ARHGAP26: variants seen among roughly 807,000 people sequenced by gnomAD.
ARHGAP26 encodes Rho GTPase activating protein 26.
Under a neutral mutation model 104.8 loss-of-function variants are expected in ARHGAP26, and 38 were observed. The observed-to-expected ratio is 0.36, with a 90% CI of 0.28 to 0.48. The LOEUF is 0.48. ARHGAP26 is among the 20% of genes least tolerant of loss of function. The probability of loss-of-function intolerance (pLI) is 0.99; values close to 1 mark genes in which losing one functional copy is unlikely to be tolerated. For missense variants in ARHGAP26, 704 were observed against 947.9 expected (o/e 0.74, Z 3.38); for synonymous variants, 341 against 340.0 (o/e 1.00, Z -0.03).
chr5:143,094,008 CCT>C (rs781448937), intron 17 of ARHGAP26, among the ~76,000 whole-genome samples: 2 of 152,170 alleles, frequency 1.3e-5, no homozygotes, highest in Non-Finnish European at 2.9e-5. Context: ...GGATTTCTCC[CCT>C]GTTTTTGAGA....
At chr5:142,840,935 A>T (rs34267203) in intron 1 of ARHGAP26, among the ~76,000 whole-genome samples, 1 of 152,150 alleles carries the variant, frequency 6.6e-6, no homozygotes, top group African/African-American at 2.4e-5. Context: ...CAGTAAACAC[A>T]TGGAATTTAT....
At chr5:142,925,859 T>G (rs1332897522) in intron 10 of ARHGAP26, among the ~76,000 whole-genome samples, 1 of 152,202 alleles carries the variant, frequency 6.6e-6, no homozygotes, top group Non-Finnish European at 1.5e-5. Flanking sequence ...TATAGTCTTA[T>G]GAATGAGTAA....
intron 13 of ARHGAP26, among the ~76,000 whole-genome samples, chr5:143,040,348 C>T (rs982133181): frequency 8.5e-5 from 13 of 152,154 alleles, no homozygotes; most frequent in Admixed American, 1.3e-4. Flanking sequence ...TCCATGTCTA[C>T]ATAGGTCTTG....
At chr5:143,043,426 A>C (rs1432516410) in intron 14 of ARHGAP26, among the ~76,000 whole-genome samples, 1 of 152,110 alleles carries the variant, frequency 6.6e-6, no homozygotes, top group Non-Finnish European at 1.5e-5. Context: ...GATGTACTGC[A>C]CTTTGTCGAA....
chr5:142,922,656 C>A (rs962588877), intron 10 of ARHGAP26, among the ~76,000 whole-genome samples: 6 of 152,094 alleles, frequency 3.9e-5, no homozygotes, highest in Non-Finnish European at 7.3e-5. Flanking sequence ...AGTGCCAGGC[C>A]CTTTGCTTTA....
chr5:143,034,231 C>A (rs746910350), intron 12 of ARHGAP26, among the ~76,000 whole-genome samples: 3 of 152,106 alleles, frequency 2.0e-5, no homozygotes, highest in African/African-American at 7.2e-5. Context: ...TGTGACCCAG[C>A]GATGCCACTC....
chr5:143,046,673 A>C (rs4912892), intron 14 of ARHGAP26, among the ~76,000 whole-genome samples: 73,802 of 152,150 alleles, frequency 0.49, 22,761 homozygotes, highest in Non-Finnish European at 0.69. Context: ...AGTAAAGATA[A>C]ATCTTTCCAA....
chr5:143,078,393 G>T (rs246643), intron 17 of ARHGAP26, among the ~76,000 whole-genome samples: 1 of 151,844 alleles, frequency 6.6e-6, no homozygotes, highest in South Asian at 2.1e-4. Flanking sequence ...ATTTCAATTC[G>T]GATTTTGGTT....
rs1033031186 is a variant in ARHGAP26, at chr5:143,121,006, G to A, written c.1557G>A (p.Lys519=). 27 of 1,613,096 alleles carry A rather than the reference G, an allele frequency of 1.7e-5. No individual in the cohort carries two copies. The African/African-American group carries it at 3.1e-4, about 18-fold the overall frequency. ...CTCCCAGTGTTGCTAACAACCACAA[G>A]CAGAATTTGATGACGGTGGCAAACC... The part of the protein sequence containing the change: ...NHLANVANNH[K]QNLMTVANLG... The change falls in exon 18 of 23, where the codon AAG becomes AAA. Residue 519 remains lysine (K), a synonymous_variant. Transcript: ENST00000645722.
intron 1 of ARHGAP26, among the ~76,000 whole-genome samples, chr5:142,847,807 G>A (rs1410131334): frequency 6.6e-6 from 1 of 152,256 alleles, no homozygotes; most frequent in Non-Finnish European, 1.5e-5. Flanking sequence ...GGATGAGATG[G>A]CATTTGGAGG....
At chr5:142,949,164 CCAGAGAGAGAGAGAGAGAGAGAGA>C (rs1767656888) in intron 11 of ARHGAP26, among the ~76,000 whole-genome samples, 1 of 40,600 alleles carries the variant, frequency 2.5e-5, no homozygotes, top group African/African-American at 1.0e-4. Flanking sequence ...AGTTGAATTT[CCAGAGAGAGAGAGAGAGAGAGAGA>C]GAGAGAGAGA....
At chr5:142,814,042 C>T (rs532869053) in intron 1 of ARHGAP26, among the ~76,000 whole-genome samples, 2 of 152,322 alleles carry the variant, frequency 1.3e-5, no homozygotes, top group South Asian at 4.1e-4. Flanking sequence ...GGCTGTTCCT[C>T]AGGAGGGTTG....
intron 17 of ARHGAP26, among the ~76,000 whole-genome samples, chr5:143,070,114 G>A (rs1161903804): frequency 6.6e-6 from 1 of 152,092 alleles, no homozygotes; most frequent in East Asian, 1.9e-4. Flanking sequence ...AATGTGGGGG[G>A]GTTCCCATGT....
Position 143,012,552 on chromosome 5 carries a change from C to CATATATAT in ARHGAP26, c.1108-1511_1108-1504dup, listed in dbSNP as rs3073231. On this transcript the variant is annotated intron_variant, in intron 11 of 22. Coordinates refer to ENST00000645722, the MANE Select transcript of ARHGAP26 (RefSeq NM_001135608.3). ...AGGGATATATTTATATACATACATACATATATATATATATATATATATATT... is the reference window on the plus strand; with the variant it reads ...AGGGATATATTTATATACATACATACATATATATATATATATATATATATATATATATT... 3.6e-3 allele frequency among the ~76,000 whole-genome samples: 75 copies of CATATATAT among 20,810 alleles called. 15 individuals carry two copies. The highest frequency in any genetic ancestry group is 4.0e-3 in the African/African-American group (33 of 8,254). The allele number at this position is 20,810 out of a possible 152,430, so 13.7% of individuals were successfully genotyped here.
intron 7 of ARHGAP26, 63 bp from the exon 8 acceptor site, chr5:142,903,477 G>T (rs1760668351): frequency 3.9e-6 from 6 of 1,549,640 alleles, no homozygotes; most frequent in Non-Finnish European, 5.3e-6. Flanking sequence ...CTATTAGGTT[G>T]ATCTGGATTG....
At chr5:143,166,545 C>T (rs940048026) in intron 20 of ARHGAP26, among the ~76,000 whole-genome samples, 2 of 152,192 alleles carry the variant, frequency 1.3e-5, no homozygotes, top group Non-Finnish European at 2.9e-5. Flanking sequence ...TGTGCCTGGG[C>T]TTTACTCTCC....
intron 1 of ARHGAP26, among the ~76,000 whole-genome samples, chr5:142,812,889 G>A (rs1038828546): frequency 1.3e-5 from 2 of 151,856 alleles, no homozygotes; most frequent in African/African-American, 4.8e-5. Flanking sequence ...ATCTGTGGGA[G>A]GGCTTGACTG....
chr5:143,012,552 C>CAT (rs3073231), intron 11 of ARHGAP26, among the ~76,000 whole-genome samples: 209 of 20,816 alleles, frequency 0.01, 31 homozygotes, highest in Middle Eastern at 0.058. Context: ...TACATACATA[C>CAT]ATATATATAT....
intron 14 of ARHGAP26, among the ~76,000 whole-genome samples, chr5:143,048,236 C>G (rs1178727100): frequency 6.6e-6 from 1 of 151,992 alleles, no homozygotes; most frequent in African/African-American, 2.4e-5. Context: ...TTGTCTTAAA[C>G]TTTATGGTGC....
Sources: gnomAD v4.1 joint callset for allele counts (sites outside exome capture counted in the v4.1 genomes callset) on GRCh38, gnomAD v4.1.1 for gene constraint, MANE v1.5 for transcripts, NCBI Gene and HGNC (gene_info 2026-07-23, HGNC 2026-07-21) for gene names.